BIRC6: variants seen among roughly 807,000 people sequenced by gnomAD.
BIRC6 encodes baculoviral IAP repeat containing 6, also known as dual E2 ubiquitin-conjugating enzyme/E3 ubiquitin-protein ligase BIRC6.
BIRC6 carries 98 observed loss-of-function variants against 503.3 expected under a neutral mutation model. That is an observed-to-expected ratio of 0.19 (90% CI 0.17 to 0.23). BIRC6 has a LOEUF of 0.23. BIRC6 is among the 10% of genes least tolerant of loss of function. BIRC6 has a pLI of 1.00. For missense variants in BIRC6, 5,360 were observed against 5,806.0 expected, an observed-to-expected ratio of 0.92 and a Z score of 2.50; for synonymous variants, 2,240 against 2,078.7, an observed-to-expected ratio of 1.08 and a Z score of -2.11.
chr2:32,438,731 T>C (rs1444385355), intron 15 of BIRC6, among the ~76,000 whole-genome samples: 1 of 152,028 alleles, frequency 6.6e-6, no homozygotes, highest in Admixed American at 6.6e-5. Context: ...CACTAATTTT[T>C]TTTTGTATTT....
chr2:32,483,637 A>G (rs932678066), intron 39 of BIRC6, among the ~76,000 whole-genome samples: 2 of 152,218 alleles, frequency 1.3e-5, no homozygotes, highest in Non-Finnish European at 2.9e-5. Context: ...CTTTAGTCTC[A>G]TTCAGTCTGC....
chr2:32,408,462 A>C (rs2041492508), intron 9 of BIRC6, among the ~76,000 whole-genome samples: 1 of 152,088 alleles, frequency 6.6e-6, no homozygotes, highest in Admixed American at 6.6e-5. Flanking sequence ...AAATTACTTA[A>C]ACTGTGGGCT....
chr2:32,535,206 G>C (rs1196244374), intron 61 of BIRC6, among the ~76,000 whole-genome samples: 1 of 97,954 alleles, frequency 1.0e-5, no homozygotes, highest in Non-Finnish European at 2.2e-5. Context: ...ATAAAAACCA[G>C]CTATAAAGAA....
At chr2:32,429,050 T>A in intron 10 of BIRC6, 96 bp from the exon 11 acceptor site, 1 of 1,053,188 alleles carries the variant, frequency 9.5e-7, no homozygotes, top group Admixed American at 3.2e-5. Flanking sequence ...TATCTGCCTA[T>A]GAAGTGACAT....
chr2:32,548,107 C>A, intron 64 of BIRC6, 93 bp downstream of exon 64: 1 of 1,150,516 alleles, frequency 8.7e-7, no homozygotes, highest in Non-Finnish European at 1.2e-6. Flanking sequence ...CTTTCCTCAG[C>A]TATGTTTATG....
chr2:32,612,019 G>A (rs536588625), intron 73 of BIRC6, among the ~76,000 whole-genome samples: 20 of 152,130 alleles, frequency 1.3e-4, no homozygotes, highest in Non-Finnish European at 2.4e-4. Flanking sequence ...AGGACTACAG[G>A]TAGCTGCCAC....
intron 4 of BIRC6, among the ~76,000 whole-genome samples, chr2:32,389,478 T>A (rs62136274): frequency 0.02 from 3,026 of 152,262 alleles, 55 homozygotes; most frequent in Non-Finnish European, 0.03. Context: ...ACAAAAATCA[T>A]ACCTAAACCA....
intron 70 of BIRC6, among the ~76,000 whole-genome samples, chr2:32,600,265 A>G (rs2061964240): frequency 6.6e-6 from 1 of 152,230 alleles, no homozygotes. Flanking sequence ...CAAAAGACAT[A>G]ATAAAAATCA....
intron 1 of BIRC6, among the ~76,000 whole-genome samples, chr2:32,369,462 C>T (rs1209809893): frequency 7.5e-5 from 11 of 147,318 alleles, no homozygotes; most frequent in African/African-American, 2.8e-4. Context: ...TAGTCTGGCT[C>T]TGTTGCTCAG....
At chr2:32,412,794 A>G (rs1013817575) in intron 9 of BIRC6, among the ~76,000 whole-genome samples, 1 of 152,178 alleles carries the variant, frequency 6.6e-6, no homozygotes, top group Non-Finnish European at 1.5e-5. Context: ...TGAGATTACA[A>G]TCTTTTTTAA....
intron 65 of BIRC6, among the ~76,000 whole-genome samples, chr2:32,558,093 C>A (rs2058908471): frequency 6.6e-6 from 1 of 152,042 alleles, no homozygotes; most frequent in Admixed American, 6.5e-5. Flanking sequence ...TTTCAGTGTG[C>A]AGTCCTACTT....
chr2:32,606,878 G>T (rs930527934), intron 71 of BIRC6, among the ~76,000 whole-genome samples: 1 of 151,694 alleles, frequency 6.6e-6, no homozygotes, highest in South Asian at 2.1e-4. Flanking sequence ...GTGGTGGCAG[G>T]CATCTGTAAT....
intron 1 of BIRC6, among the ~76,000 whole-genome samples, chr2:32,368,866 G>T (rs2149222957): frequency 6.6e-6 from 1 of 152,224 alleles, no homozygotes; most frequent in African/African-American, 2.4e-5. Context: ...TGGCCAGGCT[G>T]GTCTGGAACA....
At chr2:32,585,813 A>C (rs1475022772) in intron 66 of BIRC6, among the ~76,000 whole-genome samples, 1 of 152,228 alleles carries the variant, frequency 6.6e-6, no homozygotes, top group Non-Finnish European at 1.5e-5. Context: ...TTATATAAGA[A>C]TATAAGGAGT....
At chr2:32,371,939 G>A (rs1001682583) in intron 1 of BIRC6, among the ~76,000 whole-genome samples, 1 of 152,070 alleles carries the variant, frequency 6.6e-6, no homozygotes, top group African/African-American at 2.4e-5. Flanking sequence ...CTGAGTAGCT[G>A]GGATTACAGG....
At chr2:32,598,053 T>A in intron 69 of BIRC6, 85 bp downstream of exon 69, 2 of 1,229,616 alleles carry the variant, frequency 1.6e-6, no homozygotes, top group South Asian at 1.4e-5. Flanking sequence ...CTGGAAATAC[T>A]ATACAAATAA....
chr2:32,489,925 G>A (rs769458876), intron 42 of BIRC6, 116 bp from the exon 43 acceptor site: 45 of 681,894 alleles, frequency 6.6e-5, no homozygotes, highest in Non-Finnish European at 1.0e-4. Context: ...TGAAGACACT[G>A]GTTAAGGAGC....
rs780466473 is a variant in BIRC6, at chr2:32,515,820, G to A, written c.11349+50G>A. 4.7e-6 allele frequency: 7 copies of A among 1,492,168 alleles called. No individual in the cohort carries two copies. The South Asian group carries it at 7.7e-5, about 16-fold the overall frequency. 92.4% of individuals were successfully genotyped at this position (1,492,168 alleles called of 1,614,324 possible). A position where few individuals can be genotyped will look rare whatever the true frequency, so the allele number is the denominator to read the frequency against. ...TTTAGTTGTTTTATTACATAAGAAAGGGCCATGTATAAAGGCCAGGTAATA... is the reference window on the plus strand; with the variant it reads ...TTTAGTTGTTTTATTACATAAGAAAAGGCCATGTATAAAGGCCAGGTAATA... On this transcript the variant is annotated intron_variant, in intron 55 of 73. Transcript: ENST00000421745.
intron 55 of BIRC6, among the ~76,000 whole-genome samples, chr2:32,517,157 C>T (rs937070687): frequency 6.6e-6 from 1 of 151,908 alleles, no homozygotes; most frequent in Non-Finnish European, 1.5e-5. Flanking sequence ...ATGGCAAAAC[C>T]TCCTGTCTAC....
Sources: allele counts gnomAD v4.1 joint callset (sites outside exome capture counted in the v4.1 genomes callset), GRCh38; gene constraint gnomAD v4.1.1; transcripts MANE v1.5; gene names NCBI Gene and HGNC (gene_info 2026-07-23, HGNC 2026-07-21).